Variants in GLIS3 observed in about 807,000 individuals in gnomAD.
GLIS3 encodes the protein zinc finger protein GLIS3.
In GLIS3, 53 loss-of-function variants were observed where a neutral mutation model predicts 78.6. The observed-to-expected ratio is 0.67, with a 90% CI of 0.54 to 0.85. The LOEUF (loss-of-function observed/expected upper bound fraction) is 0.85, where lower values mean the gene tolerates loss of function less well. Among genes scored for constraint, GLIS3 ranks in the 40% least tolerant of loss-of-function variants. The probability of loss-of-function intolerance (pLI) is 0.00; values close to 1 mark genes in which losing one functional copy is unlikely to be tolerated. For synonymous variants in GLIS3, 684 were observed against 509.9 expected (o/e 1.34, Z -4.60); for missense variants, 1,703 against 1,231.1 (o/e 1.38, Z -5.74).
chr9:4,380,722 A>T, the GLIS3 span, among the ~76,000 whole-genome samples: 1 of 152,320 alleles, frequency 6.6e-6, no homozygotes, highest in South Asian at 2.1e-4. Context: ...TCAAATATGA[A>T]CATATTGTTA....
intron 5 of GLIS3, among the ~76,000 whole-genome samples, chr9:3,934,202 C>T (rs1388168964): frequency 1.3e-5 from 2 of 152,200 alleles, no homozygotes; most frequent in Admixed American, 1.3e-4. Flanking sequence ...CCTTCTTGCA[C>T]TAGCCTTCCC....
At chr9:4,098,742 G>C (rs917345812) in intron 4 of GLIS3, among the ~76,000 whole-genome samples, 1 of 151,948 alleles carries the variant, frequency 6.6e-6, no homozygotes, top group Non-Finnish European at 1.5e-5. Flanking sequence ...GATCGAAATG[G>C]AAATGTAAAA....
chr9:4,152,221 T>C (rs141177375), intron 2 of GLIS3: 2 of 589,076 alleles, frequency 3.4e-6, no homozygotes, highest in South Asian at 1.5e-4. Flanking sequence ...AAGAACTTTC[T>C]AGAAATCAGA....
chr9:4,382,783 T>A, the GLIS3 span, among the ~76,000 whole-genome samples: 1 of 152,216 alleles, frequency 6.6e-6, no homozygotes, highest in African/African-American at 2.4e-5. Flanking sequence ...CCTTTCCATT[T>A]CTCATGTAGC....
chr9:4,424,713 G>A, the GLIS3 span, among the ~76,000 whole-genome samples: 36 of 152,236 alleles, frequency 2.4e-4, no homozygotes, highest in Non-Finnish European at 3.7e-4. Flanking sequence ...ACAGGCACTT[G>A]CCCTCATGCC....
At chr9:4,175,133 C>G (rs750612797) in intron 2 of GLIS3, among the ~76,000 whole-genome samples, 5 of 152,182 alleles carry the variant, frequency 3.3e-5, no homozygotes, top group Non-Finnish European at 7.4e-5. Flanking sequence ...TCTGAATGGT[C>G]TCTCTACATC....
At chr9:4,365,072 A>T in the GLIS3 span, among the ~76,000 whole-genome samples, 1 of 152,182 alleles carries the variant, frequency 6.6e-6, no homozygotes, top group African/African-American at 2.4e-5. Context: ...GTAAGACAGA[A>T]ATTTCTTTGT....
chr9:3,831,926 A>C (rs1168463158), intron 9 of GLIS3, among the ~76,000 whole-genome samples: 1 of 152,148 alleles, frequency 6.6e-6, no homozygotes, highest in Non-Finnish European at 1.5e-5. Context: ...TAAAGATGGC[A>C]AGTTACCATA....
chr9:4,042,051 G>A (rs981349893), intron 4 of GLIS3, among the ~76,000 whole-genome samples: 1 of 152,126 alleles, frequency 6.6e-6, no homozygotes, highest in Admixed American at 6.5e-5. Context: ...CAACTCTCAA[G>A]CTACAGGCCT....
chr9:4,320,592 C>T, intron 2 of GLIS3, among the ~76,000 whole-genome samples: 1 of 152,128 alleles, frequency 6.6e-6, no homozygotes, highest in Non-Finnish European at 1.5e-5. Context: ...AACCCATCAT[C>T]ATCACCAGCA....
chr9:4,469,635 C>G, the GLIS3 span, among the ~76,000 whole-genome samples: 1 of 152,124 alleles, frequency 6.6e-6, no homozygotes, highest in Non-Finnish European at 1.5e-5. Context: ...ACATTTAAAG[C>G]AGTGTTAGAG....
chr9:3,833,027 A>G (rs980818560), intron 9 of GLIS3, among the ~76,000 whole-genome samples: 1 of 152,234 alleles, frequency 6.6e-6, no homozygotes, highest in Non-Finnish European at 1.5e-5. Context: ...ATATGAGAGT[A>G]TAAAAGGTTT....
At chr9:4,450,825 C>G in the GLIS3 span, among the ~76,000 whole-genome samples, 1 of 152,116 alleles carries the variant, frequency 6.6e-6, no homozygotes, top group African/African-American at 2.4e-5. Flanking sequence ...ACCAGGCCTG[C>G]CTTATAAAGA....
intron 6 of GLIS3, among the ~76,000 whole-genome samples, chr9:3,910,212 G>GT (rs1453061819): frequency 1.3e-5 from 2 of 152,146 alleles, no homozygotes; most frequent in East Asian, 3.8e-4. Flanking sequence ...GTCTCTTACT[G>GT]TTTTTTAGTA....
the GLIS3 span, among the ~76,000 whole-genome samples, chr9:4,407,508 G>A: frequency 0.046 from 7,042 of 152,198 alleles, 242 homozygotes; most frequent in African/African-American, 0.064. Flanking sequence ...TTAGCCGGGC[G>A]TGGTGGCGGG....
intron 2 of GLIS3, among the ~76,000 whole-genome samples, chr9:4,204,174 A>G (rs1338411669): frequency 1.3e-5 from 2 of 152,228 alleles, no homozygotes; most frequent in Non-Finnish European, 2.9e-5. Flanking sequence ...ATGATCTACT[A>G]TGAAGGAAAA....
chr9:4,294,615 CCTCT>C (rs542194991), intron 1 of GLIS3, among the ~76,000 whole-genome samples: 65 of 152,274 alleles, frequency 4.3e-4, no homozygotes, highest in African/African-American at 1.5e-3. Flanking sequence ...ACTCTACACA[CCTCT>C]CTTTCAACAT....
chr9:4,472,622 G>C, the GLIS3 span, among the ~76,000 whole-genome samples: 1 of 151,508 alleles, frequency 6.6e-6, no homozygotes, highest in East Asian at 1.9e-4. Context: ...TGTGGGGAGG[G>C]GGGAGGGATA....
intron 2 of GLIS3, among the ~76,000 whole-genome samples, chr9:4,161,968 G>A (rs116518941): frequency 6.6e-6 from 1 of 152,058 alleles, no homozygotes; most frequent in South Asian, 2.1e-4. Context: ...TTACAGGCGT[G>A]AGCCACTGCA....
Sources: gnomAD v4.1 joint callset for allele counts (sites outside exome capture counted in the v4.1 genomes callset) on GRCh38, gnomAD v4.1.1 for gene constraint, MANE v1.5 for transcripts, NCBI Gene and HGNC (gene_info 2026-07-23, HGNC 2026-07-21) for gene names.